PRRX2: variants seen among roughly 807,000 people sequenced by gnomAD.
PRRX2 encodes paired mesoderm homeobox protein 2.
In PRRX2, 11 loss-of-function variants were observed where a neutral mutation model predicts 18.0. The ratio of observed to expected loss-of-function variants is 0.61; its 90% confidence interval spans 0.39 to 1.01. The LOEUF is 1.01. PRRX2 is among the 50% of genes least tolerant of loss of function. The probability of loss-of-function intolerance (pLI) is 0.01; values close to 1 mark genes in which losing one functional copy is unlikely to be tolerated. For synonymous variants in PRRX2, 177 were observed against 154.8 expected, an observed-to-expected ratio of 1.14 and a Z score of -1.06; for missense variants, 387 against 351.0, an observed-to-expected ratio of 1.10 and a Z score of -0.82.
chr9:129,716,898 A>G (rs1429615469), intron 1 of PRRX2, among the ~76,000 whole-genome samples: 1 of 152,174 alleles, frequency 6.6e-6, no homozygotes. Flanking sequence ...AAGAGGGAAA[A>G]TACATTTTGG....
chr9:129,705,237 C>T (rs1832542738), intron 1 of PRRX2, among the ~76,000 whole-genome samples: 1 of 151,906 alleles, frequency 6.6e-6, no homozygotes, highest in Admixed American at 6.6e-5. Flanking sequence ...GGACCCCCAG[C>T]TCCTAGTGCA....
At position 129,709,859 on chromosome 9, in the gene PRRX2, G is replaced by A. The variant is rs886253196; in HGVS notation, c.260-9372G>A. Among the ~76,000 whole-genome samples, 1 of 150,960 alleles carries A rather than the reference G, an allele frequency of 6.6e-6. No individual in the cohort carries two copies. Among genetic ancestry groups the A allele is most frequent in the African/African-American group, 2.4e-5 (1 of 41,270 alleles). On this transcript the variant is annotated intron_variant, in intron 1 of 3. Transcript: ENST00000372469. The surrounding 1 kb of genome is among the most constrained non-coding windows in gnomAD (Gnocchi z 4.2). ...AACCTAGACCCCTGCACAGGAGGGC[G>A]GGCTCTGCAGGCTCACCCGGCCCTT...
intron 1 of PRRX2, among the ~76,000 whole-genome samples, chr9:129,679,434 C>T (rs1832201080): frequency 6.6e-6 from 1 of 152,196 alleles, no homozygotes; most frequent in South Asian, 2.1e-4. Flanking sequence ...CCAAGTGCTA[C>T]ACCCTCTGCA....
chr9:129,681,277 T>C (rs1293739486), intron 1 of PRRX2, among the ~76,000 whole-genome samples: 1 of 152,196 alleles, frequency 6.6e-6, no homozygotes, highest in Non-Finnish European at 1.5e-5. Context: ...CCCAGCACTT[T>C]GGGAGGCTGA....
chr9:129,689,553 C>T (rs908950636), intron 1 of PRRX2, among the ~76,000 whole-genome samples: 1 of 152,106 alleles, frequency 6.6e-6, no homozygotes, highest in Non-Finnish European at 1.5e-5. Context: ...GGTCCCTGGC[C>T]ATAGGGCTGG....
chr9:129,689,680 T>C (rs370025454), intron 1 of PRRX2, among the ~76,000 whole-genome samples: 3 of 149,736 alleles, frequency 2.0e-5, no homozygotes, highest in South Asian at 4.2e-4. Flanking sequence ...TGAATGCTGA[T>C]GGCCAGGCCT....
chr9:129,722,287 G>T lies in PRRX2; in HGVS notation c.697G>T (p.Ala233Ser). 1.9e-6 allele frequency: 3 copies of T among 1,614,026 alleles called. No homozygotes were observed. The highest frequency in any genetic ancestry group is 2.5e-6 in the Non-Finnish European group (3 of 1,180,018). The change falls in exon 4 of 4, where the codon GCC becomes TCC. Residue 233 changes from alanine (A) to serine (S), a missense_variant. Physicochemically the swap from Ala to Ser is moderately conservative, Grantham distance 99 (BLOSUM62 1). Transcript: ENST00000372469. ...AGGGGTCAACATGGCCAACAGCATC[G>T]CCAGCCTCCGTCTCAAGGCCAAGGA... ...TPGVNMANSIASLRLKAKEFS... is the reference protein window; with the variant it reads ...TPGVNMANSISSLRLKAKEFS...
rs896181322 is a variant in PRRX2 at position 129,719,490 on chromosome 9, T to A, written c.447+72T>A. 7 of 1,401,216 alleles carry A rather than the reference T, an allele frequency of 5.0e-6. No homozygotes were observed. The African/African-American group carries it at 1.0e-4, about 21-fold the overall frequency. 86.8% of individuals were successfully genotyped at this position (1,401,216 alleles called of 1,614,324 possible). Reference sequence around the variant, plus strand: ...CGCACAGCCACTGTTCACCCGGGATTACACAGTTGCCCAGGAGGGGTGTTT... The same window carrying A: ...CGCACAGCCACTGTTCACCCGGGATAACACAGTTGCCCAGGAGGGGTGTTT... On this transcript the variant is annotated intron_variant, in intron 2 of 3. Coordinates refer to ENST00000372469, the MANE Select transcript of PRRX2 (RefSeq NM_016307.4).
intron 1 of PRRX2, among the ~76,000 whole-genome samples, chr9:129,692,064 C>A (rs1422807040): frequency 6.6e-6 from 1 of 152,040 alleles, no homozygotes; most frequent in Non-Finnish European, 1.5e-5. Context: ...CCACCTCAGC[C>A]TCCCAAGTAG....
chr9:129,699,132 C>T (rs71499480), intron 1 of PRRX2, among the ~76,000 whole-genome samples: 2,922 of 152,306 alleles, frequency 0.019, 44 homozygotes, highest in Middle Eastern at 0.058. Flanking sequence ...TTAAAAAAAT[C>T]CATCAATAGG....
intron 1 of PRRX2, among the ~76,000 whole-genome samples, chr9:129,681,798 C>G (rs964997907): frequency 6.6e-6 from 1 of 152,182 alleles, no homozygotes; most frequent in African/African-American, 2.4e-5. Flanking sequence ...AACCCCATTC[C>G]AGAAACACTA....
chr9:129,693,028 G>A (rs1165996885), intron 1 of PRRX2, among the ~76,000 whole-genome samples: 1 of 152,198 alleles, frequency 6.6e-6, no homozygotes, highest in Non-Finnish European at 1.5e-5. Flanking sequence ...GTGGATGAGA[G>A]TTCCTGTTGC....
chr9:129,704,963 A>G (rs573342593), intron 1 of PRRX2, among the ~76,000 whole-genome samples: 1 of 152,286 alleles, frequency 6.6e-6, no homozygotes, highest in East Asian at 1.9e-4. Flanking sequence ...ACAGTTAACG[A>G]GGGCAGCTTT....
intron 1 of PRRX2, among the ~76,000 whole-genome samples, chr9:129,673,760 A>G (rs575639217): frequency 1.3e-5 from 2 of 152,228 alleles, no homozygotes; most frequent in African/African-American, 4.8e-5. Context: ...GGGTGGCCGC[A>G]GCTGCTGGAG....
At chr9:129,706,590 T>G (rs529717385) in intron 1 of PRRX2, among the ~76,000 whole-genome samples, 6 of 151,572 alleles carry the variant, frequency 4.0e-5, no homozygotes, top group Middle Eastern at 3.4e-3. Flanking sequence ...TATTTGAGCA[T>G]GGTGGCGCAT....
chr9:129,687,516 T>C (rs1832311426), intron 1 of PRRX2, among the ~76,000 whole-genome samples: 1 of 152,198 alleles, frequency 6.6e-6, no homozygotes, highest in Non-Finnish European at 1.5e-5. Flanking sequence ...CCACCGTCAC[T>C]AACTCAACTT....
intron 1 of PRRX2, among the ~76,000 whole-genome samples, chr9:129,697,499 C>T (rs1832441732): frequency 6.6e-6 from 1 of 151,276 alleles, no homozygotes; most frequent in South Asian, 2.1e-4. Context: ...ACCAGATGTG[C>T]CGCGGCGCCG....
intron 1 of PRRX2, among the ~76,000 whole-genome samples, chr9:129,687,830 C>T (rs1832314620): frequency 6.6e-6 from 1 of 152,214 alleles, no homozygotes; most frequent in Admixed American, 6.5e-5. Context: ...CTCTCTGAGC[C>T]TCAGTTTCTC....
At chr9:129,672,429 C>T (rs1489609142) in intron 1 of PRRX2, among the ~76,000 whole-genome samples, 3 of 152,156 alleles carry the variant, frequency 2.0e-5, no homozygotes, top group Admixed American at 6.5e-5. Flanking sequence ...AAGGTCACAC[C>T]GTTCCCATTC....
Sources: allele counts gnomAD v4.1 joint callset (sites outside exome capture counted in the v4.1 genomes callset), GRCh38; gene constraint gnomAD v4.1.1; non-coding constraint Gnocchi (gnomAD v3.1); transcripts MANE v1.5; gene names NCBI Gene and HGNC (gene_info 2026-07-23, HGNC 2026-07-21).